OPHN1: variants seen among roughly 807,000 people sequenced by gnomAD.
OPHN1 encodes the protein oligophrenin 1.
OPHN1 carries 11 observed loss-of-function variants against 60.7 expected under a neutral mutation model. The ratio of observed to expected loss-of-function variants is 0.18; its 90% confidence interval spans 0.11 to 0.30. The LOEUF is 0.30. OPHN1 is among the 10% of genes least tolerant of loss of function. The pLI, the probability that OPHN1 is intolerant of heterozygous loss-of-function variation, is 1.00. For synonymous variants in OPHN1, 226 were observed against 222.6 expected (o/e 1.02, Z -0.14); for missense variants, 449 against 611.0 (o/e 0.73, Z 2.80).
At chrX:68,168,509 T>G (rs1314923143) in intron 15 of OPHN1, among the ~76,000 whole-genome samples, 2 of 109,860 alleles carry the variant, frequency 1.8e-5, no homozygotes, top group Non-Finnish European at 3.8e-5. Context: ...AAGCACTGTG[T>G]AGAGGTAAAT....
intron 3 of OPHN1, among the ~76,000 whole-genome samples, chrX:68,293,588 G>A (rs1245305356): frequency 1.8e-5 from 2 of 111,920 alleles, no homozygotes; most frequent in Non-Finnish European, 1.9e-5. Flanking sequence ...AAACCCCATG[G>A]GTGACATTTT....
chrX:68,385,182 A>G (rs2078618231), intron 2 of OPHN1, among the ~76,000 whole-genome samples: 1 of 111,965 alleles, frequency 8.9e-6, no homozygotes, highest in Non-Finnish European at 1.9e-5. Flanking sequence ...GTAGCTTTGA[A>G]CAGGTCCCTC....
At chrX:68,398,780 C>A (rs1436079630) in intron 2 of OPHN1, among the ~76,000 whole-genome samples, 1 of 110,749 alleles carries the variant, frequency 9.0e-6, no homozygotes, top group African/African-American at 3.3e-5. Flanking sequence ...GAAACCCTGT[C>A]TCTACTAAAA....
intron 2 of OPHN1, among the ~76,000 whole-genome samples, chrX:68,403,780 G>T (rs1200127618): frequency 1.8e-5 from 2 of 110,150 alleles, no homozygotes; most frequent in Admixed American, 2.0e-4. Flanking sequence ...CTAAACAGAG[G>T]CAGCATTCTG....
intron 2 of OPHN1, 58 bp from the exon 3 acceptor site, chrX:68,299,154 C>T (rs2078108948): frequency 5.1e-6 from 4 of 780,596 alleles, no homozygotes; most frequent in South Asian, 2.1e-5. Context: ...GATCTATTTC[C>T]TCATCTCTAT....
At chrX:68,410,377 T>C (rs944634620) in intron 2 of OPHN1, among the ~76,000 whole-genome samples, 3 of 110,902 alleles carry the variant, frequency 2.7e-5, no homozygotes, top group African/African-American at 9.8e-5. Context: ...TGTTCTCACA[T>C]GGCAGAAGGC....
chrX:68,121,194 T>A (rs1043663158), intron 15 of OPHN1, among the ~76,000 whole-genome samples: 1 of 111,725 alleles, frequency 9.0e-6, no homozygotes, highest in African/African-American at 3.3e-5. Flanking sequence ...ATTAACACAG[T>A]GAGGGGACAA....
intron 5 of OPHN1, among the ~76,000 whole-genome samples, chrX:68,247,149 A>T (rs1388161135): frequency 9.0e-6 from 1 of 110,975 alleles, no homozygotes; most frequent in African/African-American, 3.3e-5. Flanking sequence ...AAGATTCCAT[A>T]CAAGAAGATG....
At chrX:68,371,168 C>T (rs963935626) in intron 2 of OPHN1, among the ~76,000 whole-genome samples, 5 of 109,934 alleles carry the variant, frequency 4.5e-5, no homozygotes, top group Non-Finnish European at 9.5e-5. Flanking sequence ...GGTTCCATAA[C>T]ATTATATAAC....
At chrX:68,195,055 GAAGGAAGGAAGAAAGA>G (rs1460727343) in intron 12 of OPHN1, among the ~76,000 whole-genome samples, 1 of 89,726 alleles carries the variant, frequency 1.1e-5, no homozygotes, top group African/African-American at 5.4e-5. Context: ...AGGAAGGAAG[GAAGGAAGGAAGAAAGA>G]AAGAAAATAC....
intron 6 of OPHN1, among the ~76,000 whole-genome samples, chrX:68,227,821 C>T (rs952054962): frequency 9.0e-6 from 1 of 110,823 alleles, no homozygotes; most frequent in Middle Eastern, 4.2e-3. Context: ...CTAAAATTGA[C>T]ACCCTAACAT....
At chrX:68,389,791 ACTTTGGG>A (rs2078644630) in intron 2 of OPHN1, among the ~76,000 whole-genome samples, 1 of 109,826 alleles carries the variant, frequency 9.1e-6, no homozygotes. Flanking sequence ...TCACTATGTG[ACTTTGGG>A]CGAGGGGGAT....
chrX:68,432,489 C>T (rs2078890369), intron 2 of OPHN1, among the ~76,000 whole-genome samples: 1 of 111,898 alleles, frequency 8.9e-6, no homozygotes, highest in African/African-American at 3.2e-5. Flanking sequence ...TTAGGAGGTG[C>T]TGGGGCAGTT....
chrX:68,251,450 C>T (rs2077834708), intron 5 of OPHN1, among the ~76,000 whole-genome samples: 1 of 109,672 alleles, frequency 9.1e-6, no homozygotes, highest in Non-Finnish European at 1.9e-5. Flanking sequence ...TCCCAAAGTG[C>T]TGCGATTACA....
Position 68,367,951 on chromosome X carries a change from G to A in OPHN1, c.154+64916C>T, listed in dbSNP as rs1257246659. Among the ~76,000 whole-genome samples the A allele has an allele frequency of 1.1e-4, 12 of 111,476 alleles. No individual in the cohort carries two copies. In the East Asian group the frequency reaches 3.1e-3, roughly 29 times the overall value. Reference sequence around the variant, plus strand: ...TTCCTTTATGAACTACCCAGTCTTGGGCAGTTCTTTATAGCATTGTGAGAA... The same window carrying A: ...TTCCTTTATGAACTACCCAGTCTTGAGCAGTTCTTTATAGCATTGTGAGAA... On this transcript the variant is annotated intron_variant, in intron 2 of 24. Transcript: ENST00000355520.
intron 15 of OPHN1, among the ~76,000 whole-genome samples, chrX:68,121,002 A>G (rs1188754326): frequency 1.8e-5 from 2 of 112,395 alleles, no homozygotes; most frequent in African/African-American, 6.5e-5. Flanking sequence ...AAAATGAATA[A>G]AGACTTAAAT....
intron 15 of OPHN1, among the ~76,000 whole-genome samples, chrX:68,167,740 C>T (rs1477944022): frequency 9.3e-6 from 1 of 107,805 alleles, no homozygotes; most frequent in Non-Finnish European, 1.9e-5. Context: ...TATATATACA[C>T]CCAAAAGAAA....
intron 2 of OPHN1, among the ~76,000 whole-genome samples, chrX:68,310,256 G>T (rs1234711420): frequency 9.0e-6 from 1 of 111,516 alleles, no homozygotes; most frequent in African/African-American, 3.3e-5. Flanking sequence ...CCTTCATGAG[G>T]TCTACTGGCA....
intron 6 of OPHN1, among the ~76,000 whole-genome samples, chrX:68,219,181 G>C (rs1487679286): frequency 3.7e-4 from 29 of 78,539 alleles, no homozygotes; most frequent in African/African-American, 1.4e-3. Context: ...AAGAGACAAA[G>C]AAGGCCATTA....
Sources: allele counts gnomAD v4.1 joint callset (sites outside exome capture counted in the v4.1 genomes callset), GRCh38; gene constraint gnomAD v4.1.1; transcripts MANE v1.5; gene names NCBI Gene and HGNC (gene_info 2026-07-23, HGNC 2026-07-21).